Variants in PRELID2 observed in about 807,000 individuals in gnomAD.
PRELID2 encodes the protein PRELI domain containing 2.
A neutral mutation model predicts 28.4 loss-of-function variants in PRELID2; 25 were observed. That is an observed-to-expected ratio of 0.88 (90% CI 0.64 to 1.23). PRELID2 has a LOEUF of 1.23. Among genes scored for constraint, PRELID2 ranks in the 50% most tolerant of loss-of-function variants. The probability of loss-of-function intolerance (pLI) is 0.00; values close to 1 mark genes in which losing one functional copy is unlikely to be tolerated. For synonymous variants in PRELID2, 76 were observed against 71.6 expected, an observed-to-expected ratio of 1.06 and a Z score of -0.31; for missense variants, 201 against 214.4, an observed-to-expected ratio of 0.94 and a Z score of 0.39.
At chr5:145,282,543 G>A in the PRELID2 span, among the ~76,000 whole-genome samples, 89 of 148,444 alleles carry the variant, frequency 6.0e-4, no homozygotes, top group Admixed American at 8.1e-4. Flanking sequence ...TTTTTGAGAC[G>A]GAGTCTTGTT....
chr5:145,424,436 T>C, the PRELID2 span, among the ~76,000 whole-genome samples: 1 of 152,178 alleles, frequency 6.6e-6, no homozygotes, highest in Admixed American at 6.5e-5. Flanking sequence ...TATAATCTCA[T>C]GGTGCACCGT....
Position 145,800,353 on chromosome 5 carries a change from C to G in PRELID2, c.369-3806G>C, listed in dbSNP as rs116382164. Among the ~76,000 whole-genome samples the G allele has an allele frequency of 4.2e-3, 641 of 151,700 alleles. 1 individual carries two copies. Among genetic ancestry groups the G allele is most frequent in the Non-Finnish European group, 7.4e-3 (500 of 67,850 alleles). On this transcript the variant is annotated intron_variant, in intron 4 of 6. Coordinates refer to ENST00000683046, the MANE Select transcript of PRELID2 (RefSeq NM_205846.3). ...ACACACACGAGTTATCCCATCCACT[C>G]TGACATAAATACCTTCCGTCTAAGC...
chr5:145,233,084 C>T, the PRELID2 span, among the ~76,000 whole-genome samples: 5 of 151,850 alleles, frequency 3.3e-5, no homozygotes, highest in Non-Finnish European at 5.9e-5. Context: ...TAATATCTTG[C>T]AAGCATTTTA....
At chr5:145,763,279 A>G (rs1757566278) in intron 6 of PRELID2, among the ~76,000 whole-genome samples, 1 of 152,242 alleles carries the variant, frequency 6.6e-6, no homozygotes, top group African/African-American at 2.4e-5. Flanking sequence ...GCTAGCCGAG[A>G]AAACCAGGGA....
At chr5:145,243,040 T>G in the PRELID2 span, among the ~76,000 whole-genome samples, 1 of 152,064 alleles carries the variant, frequency 6.6e-6, no homozygotes, top group Non-Finnish European at 1.5e-5. Context: ...ATCACACAAA[T>G]ATAACAAAAT....
intron 1 of PRELID2, among the ~76,000 whole-genome samples, chr5:145,705,490 C>A (rs1755522112): frequency 6.6e-6 from 1 of 152,092 alleles, no homozygotes. Context: ...CATGAGCCAC[C>A]TGCCCAGCTA....
At chr5:145,302,294 C>G in the PRELID2 span, among the ~76,000 whole-genome samples, 1 of 151,826 alleles carries the variant, frequency 6.6e-6, no homozygotes, top group Non-Finnish European at 1.5e-5. Context: ...GGCACCACCA[C>G]GCCTGGCTAA....
the PRELID2 span, among the ~76,000 whole-genome samples, chr5:145,340,892 C>G: frequency 1.3e-5 from 2 of 150,952 alleles, no homozygotes; most frequent in African/African-American, 4.9e-5. Flanking sequence ...CCACTAGGGC[C>G]CAAAGACTGG....
At chr5:145,569,588 G>C (rs1752999884) in intron 1 of PRELID2, among the ~76,000 whole-genome samples, 1 of 152,066 alleles carries the variant, frequency 6.6e-6, no homozygotes, top group Admixed American at 6.5e-5. Flanking sequence ...GACCTGACTG[G>C]GCTGACATTG....
chr5:145,275,958 G>A, the PRELID2 span, among the ~76,000 whole-genome samples: 25 of 152,202 alleles, frequency 1.6e-4, no homozygotes, highest in South Asian at 2.1e-3. Context: ...AAGTACACAC[G>A]TAGATGTACA....
At chr5:145,813,199 T>G (rs1186353043) in intron 4 of PRELID2, among the ~76,000 whole-genome samples, 1 of 152,182 alleles carries the variant, frequency 6.6e-6, no homozygotes, top group Non-Finnish European at 1.5e-5. Flanking sequence ...TTTATTCCCT[T>G]TAAAAAAACT....
the PRELID2 span, among the ~76,000 whole-genome samples, chr5:145,398,606 C>G: frequency 6.6e-6 from 1 of 151,938 alleles, no homozygotes; most frequent in Non-Finnish European, 1.5e-5. Flanking sequence ...TTTATTAATT[C>G]AACATATACT....
intron 1 of PRELID2, among the ~76,000 whole-genome samples, chr5:145,519,750 A>C (rs1303757369): frequency 6.6e-6 from 1 of 152,218 alleles, no homozygotes; most frequent in Non-Finnish European, 1.5e-5. Context: ...TGATGTGGAG[A>C]CCAGCAGACC....
At chr5:145,596,183 A>G (rs1355916383) in intron 1 of PRELID2, among the ~76,000 whole-genome samples, 1 of 151,868 alleles carries the variant, frequency 6.6e-6, no homozygotes, top group African/African-American at 2.4e-5. Flanking sequence ...GAAAGAAGAA[A>G]TGGAAGGAGG....
intron 1 of PRELID2, among the ~76,000 whole-genome samples, chr5:145,575,129 G>C (rs781328649): frequency 6.6e-6 from 1 of 152,130 alleles, no homozygotes; most frequent in South Asian, 2.1e-4. Flanking sequence ...TTCTGCTGCT[G>C]ACTCATTAGG....
At chr5:145,704,986 C>T (rs923649439) in intron 1 of PRELID2, among the ~76,000 whole-genome samples, 2 of 152,138 alleles carry the variant, frequency 1.3e-5, no homozygotes, top group African/African-American at 4.8e-5. Flanking sequence ...GGCAAATCCC[C>T]TATTTTTAAA....
At chr5:145,740,825 CA>C (rs1373075009) in intron 1 of PRELID2, among the ~76,000 whole-genome samples, 4 of 71,678 alleles carry the variant, frequency 5.6e-5, no homozygotes, top group African/African-American at 2.8e-4. Context: ...TACATATATA[CA>C]AATATATATT....
rs143904325 is a variant in PRELID2 at position 145,670,461 on chromosome 5, T to C, written n.70+94470A>G. ...ACATGAGATTTGGAAGGCACAAACA[T>C]CAAACCATATCACCCATGAAGGCAG... On this transcript the variant is annotated intron_variant and non_coding_transcript_variant, in intron 1 of 2. Coordinates refer to the PRELID2 transcript ENST00000510259. Among the ~76,000 whole-genome samples, 75 of 152,242 alleles carry C rather than the reference T, an allele frequency of 4.9e-4. No individual in the cohort carries two copies. In the East Asian group the frequency reaches 0.013, roughly 27 times the overall value.
At chr5:145,713,417 T>A (rs1015380025) in intron 1 of PRELID2, among the ~76,000 whole-genome samples, 13 of 144,656 alleles carry the variant, frequency 9.0e-5, no homozygotes, top group African/African-American at 3.0e-4. Context: ...ATATATACTT[T>A]ATATATATCT....
Sources: gnomAD v4.1 joint callset for allele counts (sites outside exome capture counted in the v4.1 genomes callset) on GRCh38, gnomAD v4.1.1 for gene constraint, MANE v1.5 for transcripts, NCBI Gene and HGNC (gene_info 2026-07-23, HGNC 2026-07-21) for gene names.